The following KCNK10 variants were observed in gnomAD, a reference collection of about 807,000 sequenced individuals.
KCNK10 encodes potassium two pore domain channel subfamily K member 10, also known as potassium channel subfamily K member 10.
Under a neutral mutation model 47.7 loss-of-function variants are expected in KCNK10, and 25 were observed. That is an observed-to-expected ratio of 0.52 (90% CI 0.38 to 0.73). The LOEUF (loss-of-function observed/expected upper bound fraction) is 0.73. Ranked by LOEUF, KCNK10 falls within the 30% of genes least tolerant of loss-of-function variation. The pLI, the probability that KCNK10 is intolerant of heterozygous loss-of-function variation, is 0.00. For synonymous variants in KCNK10, 303 were observed against 285.6 expected (o/e 1.06, Z -0.61); for missense variants, 563 against 714.5 (o/e 0.79, Z 2.42).
intron 1 of KCNK10, among the ~76,000 whole-genome samples, chr14:88,281,285 A>G (rs1168885263): frequency 6.6e-6 from 1 of 152,198 alleles, no homozygotes; most frequent in Non-Finnish European, 1.5e-5. Context: ...TACTCTAAGT[A>G]GCCTAGGATA....
At chr14:88,318,136 C>T (rs915475282) in intron 1 of KCNK10, among the ~76,000 whole-genome samples, 1 of 152,316 alleles carries the variant, frequency 6.6e-6, no homozygotes, top group Non-Finnish European at 1.5e-5. Context: ...GGAATATCAG[C>T]GTCCTTTCTG....
intron 1 of KCNK10, among the ~76,000 whole-genome samples, chr14:88,306,828 A>G (rs1189184844): frequency 6.6e-6 from 1 of 152,220 alleles, no homozygotes; most frequent in Non-Finnish European, 1.5e-5. Context: ...CAGAAAGTAT[A>G]TCTCTCCTAT....
Position 88,322,700 on chromosome 14 carries a change from C to A in KCNK10, c.52+47G>T. The A allele has an allele frequency of 6.2e-7, 1 of 1,612,918 alleles. No homozygotes were observed. The highest frequency in any genetic ancestry group is 8.5e-7 in the Non-Finnish European group (1 of 1,179,014). ...TCCACTCAAGGAAGCGCGCACACGCCGGAGACAGAGGCAGGGCGAGGGCAG... is the reference window on the plus strand; with the variant it reads ...TCCACTCAAGGAAGCGCGCACACGCAGGAGACAGAGGCAGGGCGAGGGCAG... On this transcript the variant is annotated intron_variant, in intron 1 of 6. Coordinates refer to ENST00000319231, the MANE Select transcript of KCNK10 (RefSeq NM_138317.3). This position sits in a 1 kb window ranked among gnomAD's most constrained non-coding sequence, Gnocchi z 4.8.
chr14:88,300,326 CA>C (rs1442038050), intron 1 of KCNK10, among the ~76,000 whole-genome samples: 2 of 152,222 alleles, frequency 1.3e-5, no homozygotes, highest in African/African-American at 4.8e-5. Context: ...CGTCCTTCAT[CA>C]ATCACATTAA....
At chr14:88,220,416 CAAAAAAAAAAAAAAAAAAAAAAAAAA>C (rs58562095) in intron 4 of KCNK10, among the ~76,000 whole-genome samples, 3 of 30,160 alleles carry the variant, frequency 9.9e-5, no homozygotes, top group East Asian at 1.7e-3. Context: ...GACTCCGTCT[CAAAAAAAAAAAAAAAAAAAAAAAAAA>C]AAAAAAAAAA....
chr14:88,202,720 C>A (rs183267851), intron 4 of KCNK10, among the ~76,000 whole-genome samples: 2 of 144,678 alleles, frequency 1.4e-5, no homozygotes, highest in African/African-American at 5.1e-5. Flanking sequence ...AGAGAGAAGG[C>A]GGAATGGCCA....
intron 4 of KCNK10, among the ~76,000 whole-genome samples, chr14:88,195,014 C>T (rs1467192794): frequency 1.5e-5 from 2 of 130,864 alleles, no homozygotes; most frequent in Non-Finnish European, 3.2e-5. Flanking sequence ...TTTTTGCTGC[C>T]CTCTAGGTAT....
At position 88,241,185 on chromosome 14, in the gene KCNK10, A is replaced by G. The variant is rs192294834; in HGVS notation, c.403-365T>C. On this transcript the variant is annotated intron_variant, in intron 2 of 6. Coordinates refer to ENST00000319231, the MANE Select transcript of KCNK10 (RefSeq NM_138317.3). ...CCCAAAGTGGGCATTTCCGCAAGGC[A>G]GGATTTTGGTTGCTTTTTCACTCTT... 1.6e-4 allele frequency among the ~76,000 whole-genome samples: 25 copies of G among 152,370 alleles called. No individual in the cohort carries two copies. In the East Asian group the frequency reaches 4.0e-3, roughly 25 times the overall value.
intron 1 of KCNK10, among the ~76,000 whole-genome samples, chr14:88,278,823 A>G (rs1222672850): frequency 6.6e-6 from 1 of 152,224 alleles, no homozygotes; most frequent in Non-Finnish European, 1.5e-5. Flanking sequence ...ACAAAGGCAT[A>G]AAAACTGGTA....
At chr14:88,285,881 G>A (rs566601563) in intron 1 of KCNK10, among the ~76,000 whole-genome samples, 3 of 152,048 alleles carry the variant, frequency 2.0e-5, no homozygotes, top group African/African-American at 4.8e-5. Flanking sequence ...TGAGAACATC[G>A]AACCTATGTT....
chr14:88,276,493 C>T (rs1887530974), intron 1 of KCNK10, among the ~76,000 whole-genome samples: 1 of 152,168 alleles, frequency 6.6e-6, no homozygotes, highest in Non-Finnish European at 1.5e-5. Context: ...AGATCATCCT[C>T]TCTTTCCAGC....
intron 2 of KCNK10, among the ~76,000 whole-genome samples, chr14:88,258,623 G>T (rs1887026173): frequency 6.6e-6 from 1 of 152,170 alleles, no homozygotes; most frequent in Admixed American, 6.5e-5. Context: ...CACCTGGCAT[G>T]TTACCTGATA....
intron 4 of KCNK10, among the ~76,000 whole-genome samples, chr14:88,197,572 T>TTAAAAAAA (rs1884957105): frequency 5.8e-5 from 1 of 17,142 alleles, no homozygotes; most frequent in Non-Finnish European, 1.5e-4. Flanking sequence ...AGACTCCGAC[T>TTAAAAAAA]AAAAAAAAAA....
intron 1 of KCNK10, among the ~76,000 whole-genome samples, chr14:88,268,819 G>T (rs539300920): frequency 6.6e-6 from 1 of 152,334 alleles, no homozygotes; most frequent in East Asian, 1.9e-4. Flanking sequence ...AGGAAATGTT[G>T]AAAGGTAATA....
At chr14:88,193,009 T>G (rs982332446) in intron 4 of KCNK10, among the ~76,000 whole-genome samples, 4 of 152,236 alleles carry the variant, frequency 2.6e-5, no homozygotes, top group African/African-American at 9.6e-5. Context: ...ACATTTTCCC[T>G]GCTGAGGCTG....
chr14:88,273,465 C>A (rs992818844), intron 1 of KCNK10, among the ~76,000 whole-genome samples: 5 of 152,202 alleles, frequency 3.3e-5, no homozygotes, highest in African/African-American at 1.2e-4. Context: ...AACTTCTGAG[C>A]ATTTTTGGTT....
At chr14:88,196,285 T>C (rs1884910946) in intron 4 of KCNK10, among the ~76,000 whole-genome samples, 1 of 152,200 alleles carries the variant, frequency 6.6e-6, no homozygotes, top group Non-Finnish European at 1.5e-5. Flanking sequence ...CCAAGTAAGC[T>C]TCGTAAACAG....
rs1555358588 is a variant in KCNK10 at position 88,182,084 on chromosome 14, A to ACT, written c.*3449_*3450dup. The ACT allele has an allele frequency of 8.0e-6, 1 of 124,304 alleles. No individual in the cohort carries two copies. Among genetic ancestry groups the ACT allele is most frequent in the African/African-American group, 3.3e-5 (1 of 30,416 alleles). The allele number at this position is 124,304 out of a possible 1,614,324, so 7.7% of individuals were successfully genotyped here. On this transcript the variant is annotated 3_prime_UTR_variant, in exon 7 of 7. Coordinates refer to ENST00000319231, the MANE Select transcript of KCNK10 (RefSeq NM_138317.3). ...CACACACACACACACACACACACACACTCTATACAGCCCTGCCCCAAAGTG... is the reference window on the plus strand; with the variant it reads ...CACACACACACACACACACACACACACTCTCTATACAGCCCTGCCCCAAAGTG...
intron 4 of KCNK10, among the ~76,000 whole-genome samples, chr14:88,215,243 T>C (rs1427071885): frequency 1.3e-5 from 2 of 152,130 alleles, no homozygotes; most frequent in Non-Finnish European, 2.9e-5. Flanking sequence ...GGGTAATTTA[T>C]AAAGAAAAGG....
Sources: gnomAD v4.1 joint callset for allele counts (sites outside exome capture counted in the v4.1 genomes callset) on GRCh38, gnomAD v4.1.1 for gene constraint, Gnocchi (gnomAD v3.1) non-coding constraint, MANE v1.5 for transcripts, NCBI Gene and HGNC (gene_info 2026-07-23, HGNC 2026-07-21) for gene names.